FAM24B: variants seen among roughly 807,000 people sequenced by gnomAD.
FAM24B encodes protein FAM24B.
FAM24B carries 3 observed loss-of-function variants against 2.3 expected under a neutral mutation model. That is an observed-to-expected ratio of 1.29 (90% confidence interval 0.59 to 3.32). The LOEUF is 3.32. FAM24B is among the 30% of genes most tolerant of loss of function. The pLI, the probability that FAM24B is intolerant of heterozygous loss-of-function variation, is 0.03. For synonymous variants in FAM24B, 36 were observed against 46.3 expected, an observed-to-expected ratio of 0.78 and a Z score of 0.90; for missense variants, 98 against 117.2, an observed-to-expected ratio of 0.84 and a Z score of 0.76.
intron 1 of FAM24B, among the ~76,000 whole-genome samples, chr10:122,865,189 T>G (rs1450001041): frequency 1.3e-5 from 2 of 152,180 alleles, no homozygotes; most frequent in African/African-American, 2.4e-5. Context: ...TTGTCAGGTT[T>G]TGTTTTTTTA....
At chr10:122,875,244 T>A (rs1019652766) in intron 1 of FAM24B, among the ~76,000 whole-genome samples, 1 of 152,210 alleles carries the variant, frequency 6.6e-6, no homozygotes, top group African/African-American at 2.4e-5. Flanking sequence ...ATTTGTCACA[T>A]TGTTTTTTGA....
intron 1 of FAM24B, among the ~76,000 whole-genome samples, chr10:122,876,582 C>A (rs961456093): frequency 1.3e-5 from 2 of 152,184 alleles, no homozygotes; most frequent in Non-Finnish European, 2.9e-5. Context: ...CACTCAGCAT[C>A]CAGCAAGTCA....
At chr10:122,852,528 T>G (rs1024989492) in intron 2 of FAM24B, among the ~76,000 whole-genome samples, 2 of 152,166 alleles carry the variant, frequency 1.3e-5, no homozygotes, top group Non-Finnish European at 2.9e-5. Flanking sequence ...GACACTGCAG[T>G]GGAGGTGGCC....
intron 1 of FAM24B, among the ~76,000 whole-genome samples, chr10:122,872,319 C>T (rs1455619739): frequency 6.6e-6 from 1 of 152,176 alleles, no homozygotes; most frequent in Non-Finnish European, 1.5e-5. Context: ...GAAACAGGAA[C>T]ACTTTTACAC....
intron 1 of FAM24B, among the ~76,000 whole-genome samples, chr10:122,871,553 T>C (rs962036072): frequency 4.4e-4 from 67 of 152,028 alleles, no homozygotes; most frequent in African/African-American, 1.6e-3. Context: ...AGGGCTACAG[T>C]AACCAAAACA....
intron 1 of FAM24B, among the ~76,000 whole-genome samples, chr10:122,870,994 T>A (rs551672096): frequency 6.6e-6 from 1 of 152,188 alleles, no homozygotes; most frequent in South Asian, 2.1e-4. Context: ...GGAAGTCAAA[T>A]TGTCCCTGTT....
chr10:122,874,968 C>T lies in FAM24B; in HGVS notation c.-178+4517G>A, dbSNP rs577124070. Among the ~76,000 whole-genome samples, 78 of 152,308 alleles carry T rather than the reference C, an allele frequency of 5.1e-4. 1 individual carries two copies. Among genetic ancestry groups the T allele is most frequent in the African/African-American group, 1.8e-3 (76 of 41,562 alleles). ...TCTTGCTTGGTGTTCTCCAAGCTTC[C>T]TGCTCTAAGAACGGGTTTGGTGTCA... On this transcript the variant is annotated intron_variant, in intron 1 of 3. Coordinates refer to ENST00000368898, the MANE Select transcript of FAM24B (RefSeq NM_152644.3).
At chr10:122,864,142 T>C (rs1847765679) in intron 1 of FAM24B, among the ~76,000 whole-genome samples, 1 of 152,082 alleles carries the variant, frequency 6.6e-6, no homozygotes, top group African/African-American at 2.4e-5. Context: ...GTGAAAAACA[T>C]GAAGTTGTTG....
intron 3 of FAM24B, among the ~76,000 whole-genome samples, chr10:122,850,052 C>G (rs902790925): frequency 7.9e-5 from 12 of 152,168 alleles, no homozygotes; most frequent in Admixed American, 1.3e-4. Context: ...CTCGTTCATG[C>G]AGCCTCCCCC....
chr10:122,850,611 T>G lies in FAM24B; in HGVS notation c.-35-61A>C, dbSNP rs1359308121. ...GTGGTCTCCCTCCCCACACAACCAC[T>G]AAGCAATGCCAATGTCAGGGGAGGA... On this transcript the variant is annotated intron_variant, in intron 2 of 3. Coordinates refer to ENST00000368898, the MANE Select transcript of FAM24B (RefSeq NM_152644.3). 3.7e-6 allele frequency: 3 copies of G among 814,520 alleles called. No individual in the cohort carries two copies. In the East Asian group the frequency reaches 7.3e-5, roughly 20 times the overall value. 50.5% of individuals were successfully genotyped at this position (814,520 alleles called of 1,614,324 possible).
intron 3 of FAM24B, among the ~76,000 whole-genome samples, chr10:122,850,155 G>T (rs1025068083): frequency 6.6e-6 from 1 of 152,104 alleles, no homozygotes; most frequent in Non-Finnish European, 1.5e-5. Flanking sequence ...GAGGTCCAGT[G>T]ACAGCCAAGC....
At chr10:122,877,121 G>C (rs1258383959) in intron 1 of FAM24B, among the ~76,000 whole-genome samples, 1 of 152,080 alleles carries the variant, frequency 6.6e-6, no homozygotes, top group African/African-American at 2.4e-5. Context: ...TAAAAATAAA[G>C]CAAAAAATAC....
intron 1 of FAM24B, among the ~76,000 whole-genome samples, chr10:122,859,985 G>A (rs750648771): frequency 5.9e-5 from 9 of 152,044 alleles, no homozygotes; most frequent in Middle Eastern, 3.2e-3. Flanking sequence ...CAACACTCCC[G>A]GCAGCTTGTA....
At chr10:122,859,713 CCT>C (rs1426194491) in intron 1 of FAM24B, among the ~76,000 whole-genome samples, 4 of 152,110 alleles carry the variant, frequency 2.6e-5, no homozygotes, top group Non-Finnish European at 2.9e-5. Flanking sequence ...AAAATCCACC[CCT>C]GTGAGGGGTG....
chr10:122,876,162 A>G (rs1031083723), intron 1 of FAM24B, among the ~76,000 whole-genome samples: 1 of 152,202 alleles, frequency 6.6e-6, no homozygotes, highest in Admixed American at 6.5e-5. Context: ...GCTTTTAAAT[A>G]AATTTTTCCT....
At chr10:122,851,385 T>G (rs1180549167) in intron 2 of FAM24B, among the ~76,000 whole-genome samples, 1 of 152,242 alleles carries the variant, frequency 6.6e-6, no homozygotes, top group Admixed American at 6.5e-5. Flanking sequence ...TTGAAGAGCT[T>G]GCTTTTAGAA....
At position 122,850,407 on chromosome 10, in the gene FAM24B, T is replaced by G. The variant is rs1566245690; in HGVS notation, c.92+17A>C. On this transcript the variant is annotated intron_variant, in intron 3 of 3. Coordinates refer to ENST00000368898, the MANE Select transcript of FAM24B (RefSeq NM_152644.3). ...GACTCACTTTAGTACGTTGTTTATT[T>G]TGAACTTGTGACTCACTTTAGCGCG... 3 of 1,604,282 alleles carry G rather than the reference T, an allele frequency of 1.9e-6. No individual in the cohort carries two copies. Among genetic ancestry groups the G allele is most frequent in the Non-Finnish European group, 1.7e-6 (2 of 1,171,180 alleles).
chr10:122,858,132 A>G (rs189463457), intron 1 of FAM24B, among the ~76,000 whole-genome samples: 1 of 152,372 alleles, frequency 6.6e-6, no homozygotes, highest in East Asian at 1.9e-4. Flanking sequence ...TATTCACAAT[A>G]GCAAAGACTT....
At chr10:122,856,469 G>A (rs1847639266) in intron 1 of FAM24B, among the ~76,000 whole-genome samples, 1 of 152,244 alleles carries the variant, frequency 6.6e-6, no homozygotes, top group African/African-American at 2.4e-5. Flanking sequence ...CAGAGTGTCA[G>A]TGCGGGGAGT....
Sources: gnomAD v4.1 joint callset for allele counts (sites outside exome capture counted in the v4.1 genomes callset) on GRCh38, gnomAD v4.1.1 for gene constraint, MANE v1.5 for transcripts, NCBI Gene and HGNC (gene_info 2026-07-23, HGNC 2026-07-21) for gene names.